The following CACNB2 variants were observed in gnomAD, a reference collection of about 807,000 sequenced individuals.
CACNB2 encodes the protein voltage-dependent L-type calcium channel subunit beta-2.
A neutral mutation model predicts 73.3 loss-of-function variants in CACNB2; 42 were observed. The ratio of observed to expected loss-of-function variants is 0.57; its 90% confidence interval spans 0.45 to 0.74. The LOEUF (loss-of-function observed/expected upper bound fraction) is 0.74, where lower values mean the gene tolerates loss of function less well. Among genes scored for constraint, CACNB2 ranks in the 30% least tolerant of loss-of-function variants. The pLI is 0.00. For synonymous variants in CACNB2, 348 were observed against 310.3 expected, an observed-to-expected ratio of 1.12 and a Z score of -1.28; for missense variants, 940 against 853.0, an observed-to-expected ratio of 1.10 and a Z score of -1.27.
chr10:18,473,329 C>G (rs866405065), intron 3 of CACNB2, among the ~76,000 whole-genome samples: 8 of 152,124 alleles, frequency 5.3e-5, no homozygotes, highest in Admixed American at 6.5e-5. Context: ...TTGATAAATA[C>G]ACAGGTAATA....
chr10:18,346,837 T>C (rs1221788705), intron 2 of CACNB2, among the ~76,000 whole-genome samples: 2 of 151,708 alleles, frequency 1.3e-5, no homozygotes, highest in Non-Finnish European at 2.9e-5. Context: ...GCTCAAGTGA[T>C]CCACCCTCCT....
At chr10:18,142,992 T>C (rs891256603) in intron 1 of CACNB2, among the ~76,000 whole-genome samples, 2 of 152,338 alleles carry the variant, frequency 1.3e-5, no homozygotes, top group African/African-American at 4.8e-5. Context: ...CCAGATATTT[T>C]TGAGAGAGTT....
At chr10:18,536,848 G>A (rs1407513763) in intron 12 of CACNB2, among the ~76,000 whole-genome samples, 1 of 152,180 alleles carries the variant, frequency 6.6e-6, no homozygotes, top group African/African-American at 2.4e-5. Context: ...TGATCATAGG[G>A]ATCAAGTTGT....
At chr10:18,341,027 A>C in intron 2 of CACNB2, 1 of 1,572,338 alleles carries the variant, frequency 6.4e-7, no homozygotes, top group Non-Finnish European at 8.8e-7. Flanking sequence ...GGTTTAAAGA[A>C]AACAGGAATG....
intron 2 of CACNB2, chr10:18,238,497 A>G (rs1193795102): frequency 6.6e-6 from 1 of 151,912 alleles, no homozygotes; most frequent in Non-Finnish European, 1.5e-5. Context: ...TTTCTGATTA[A>G]TATGTTTTCC....
chr10:18,217,520 T>A (rs995262810), intron 2 of CACNB2, among the ~76,000 whole-genome samples: 10 of 151,784 alleles, frequency 6.6e-5, no homozygotes, highest in Middle Eastern at 6.8e-3. Flanking sequence ...ACAAGTCAAT[T>A]GTTTAGTATG....
chr10:18,156,983 C>T (rs1322541559), intron 2 of CACNB2, among the ~76,000 whole-genome samples: 8 of 150,702 alleles, frequency 5.3e-5, no homozygotes, highest in East Asian at 2.0e-4. Flanking sequence ...GCAGAGACTG[C>T]GGTGAGCCGA....
intron 2 of CACNB2, among the ~76,000 whole-genome samples, chr10:18,299,099 A>AAAAC (rs2039402491): frequency 6.6e-6 from 1 of 150,624 alleles, no homozygotes; most frequent in African/African-American, 2.4e-5. Context: ...AAAAGAAAAA[A>AAAAC]TAAAAAGAAA....
intron 5 of CACNB2, among the ~76,000 whole-genome samples, 200 bp from the exon 6 acceptor site, chr10:18,506,271 T>G (rs768966323): frequency 6.6e-6 from 1 of 152,214 alleles, no homozygotes; most frequent in Non-Finnish European, 1.5e-5. Flanking sequence ...AATTAAACCT[T>G]GAATTTGAAA....
intron 2 of CACNB2, among the ~76,000 whole-genome samples, chr10:18,266,919 T>G (rs550515340): frequency 6.6e-6 from 1 of 152,254 alleles, no homozygotes; most frequent in East Asian, 1.9e-4. Context: ...AGCTATACAC[T>G]TATATATGCC....
chr10:18,154,041 T>C (rs190619084), intron 2 of CACNB2, among the ~76,000 whole-genome samples: 11 of 152,076 alleles, frequency 7.2e-5, no homozygotes, highest in Admixed American at 7.2e-4. Context: ...ATTTGCCCAA[T>C]AGAATTTTGT....
chr10:18,476,941 A>T (rs1019159338), intron 3 of CACNB2, among the ~76,000 whole-genome samples: 3 of 151,716 alleles, frequency 2.0e-5, no homozygotes, highest in Admixed American at 6.6e-5. Flanking sequence ...AATCACTTGA[A>T]CCCGGGAGGC....
intron 2 of CACNB2, among the ~76,000 whole-genome samples, chr10:18,360,498 A>G (rs968566793): frequency 6.6e-6 from 1 of 152,220 alleles, no homozygotes; most frequent in African/African-American, 2.4e-5. Context: ...TGCTGGGATT[A>G]CAGGCATGCA....
At chr10:18,464,184 G>T (rs2047738071) in intron 3 of CACNB2, among the ~76,000 whole-genome samples, 1 of 150,788 alleles carries the variant, frequency 6.6e-6, no homozygotes, top group Non-Finnish European at 1.5e-5. Context: ...TTTTGGGGAG[G>T]GAGTGGTAGG....
At chr10:18,328,453 G>T (rs1236391174) in intron 2 of CACNB2, among the ~76,000 whole-genome samples, 1 of 152,016 alleles carries the variant, frequency 6.6e-6, no homozygotes, top group East Asian at 1.9e-4. Context: ...ATCCACTTAG[G>T]TATCATACTC....
intron 2 of CACNB2, among the ~76,000 whole-genome samples, chr10:18,178,818 C>T (rs918955280): frequency 6.6e-6 from 1 of 152,190 alleles, no homozygotes; most frequent in African/African-American, 2.4e-5. Flanking sequence ...GTTTGAAACT[C>T]TGTGAACCCT....
chr10:18,427,844 C>T (rs1486667345), intron 3 of CACNB2, among the ~76,000 whole-genome samples: 1 of 152,044 alleles, frequency 6.6e-6, no homozygotes, highest in Non-Finnish European at 1.5e-5. Flanking sequence ...CTCAATAAAT[C>T]TCACTATATA....
chr10:18,244,309 A>G (rs780030562), intron 2 of CACNB2, among the ~76,000 whole-genome samples: 16 of 152,374 alleles, frequency 1.1e-4, no homozygotes, highest in Admixed American at 8.5e-4. Context: ...GAATTTAGCA[A>G]TGGATTTCAG....
At chr10:18,527,924 G>A (rs2052639469) in intron 10 of CACNB2, among the ~76,000 whole-genome samples, 1 of 152,164 alleles carries the variant, frequency 6.6e-6, no homozygotes, top group Non-Finnish European at 1.5e-5. Flanking sequence ...TGTTTTGGTT[G>A]TGGTTTGTTT....
Sources: allele counts gnomAD v4.1 joint callset (sites outside exome capture counted in the v4.1 genomes callset), GRCh38; gene constraint gnomAD v4.1.1; transcripts MANE v1.5; gene names NCBI Gene and HGNC (gene_info 2026-07-23, HGNC 2026-07-21).